The following ATN1 variants were observed in gnomAD, a reference collection of about 807,000 sequenced individuals.
ATN1 encodes atrophin-1.
ATN1 carries 19 observed loss-of-function variants against 85.8 expected under a neutral mutation model. That is an observed-to-expected ratio of 0.22 (90% CI 0.15 to 0.32). ATN1 has a LOEUF of 0.32. ATN1 is among the 10% of genes least tolerant of loss of function. The pLI is 1.00. For synonymous variants in ATN1, 674 were observed against 657.0 expected, an observed-to-expected ratio of 1.03 and a Z score of -0.39; for missense variants, 1,453 against 1,564.5, an observed-to-expected ratio of 0.93 and a Z score of 1.20.
upstream of ATN1, among the ~76,000 whole-genome samples, chr12:6,927,631 C>A (rs895631638): frequency 6.6e-6 from 1 of 150,742 alleles, no homozygotes. Flanking sequence ...ACTCGCGCTG[C>A]GCCTCCCCCT....
chr12:6,936,020 G>A lies in ATN1; in HGVS notation c.753G>A (p.Lys251=). 1.3e-6 allele frequency: 2 copies of A among 1,584,668 alleles called. No individual in the cohort carries two copies. Among genetic ancestry groups the A allele is most frequent in the Middle Eastern group, 1.7e-4 (1 of 5,874 alleles). ...CAGTGGGGGGCCCTAATGGGGGTAA[G>A]CAGCACCCCCCACCCACTACTCCCA... is the stretch of plus-strand genomic sequence containing the variant. ...ASSVGGPNGG[K]QHPPPTTPIS... is the part of the protein sequence containing the mutation. The change falls in exon 5 of 10, where the codon AAG becomes AAA. Residue 251 remains lysine, a synonymous_variant. Transcript: ENST00000396684.
chr12:6,936,805 G>C lies in ATN1; in HGVS notation c.1538G>C (p.Gly513Ala), dbSNP rs1315011118. 1.9e-6 allele frequency: 3 copies of C among 1,612,190 alleles called. No individual in the cohort carries two copies. Among genetic ancestry groups the C allele is most frequent in the African/African-American group, 1.3e-5 (1 of 74,592 alleles). The change falls in exon 5 of 10, where the codon GGA becomes GCA. Residue 513 changes from glycine to alanine, a missense_variant. Transcript: ENST00000396684. ...GGAAACTCTGGGCCCCCTCCTCCTG[G>C]AGCATTTCCCCACCCACTGGAGGGC... ...HHGNSGPPPP[G>A]AFPHPLEGGS... is the part of the protein sequence containing the mutation.
In ATN1 at chr12:6,941,175, AAG is replaced by A; in HGVS notation, c.3358+156_3358+157del. The stretch of plus-strand genomic sequence containing the variant: ...GAATAGGAGAGCTGGAGCTCTGCCC[AAG>A]AGAAGCACGAGTTTTAGTGTCAGCC... On this transcript the variant is annotated intron_variant, in intron 8 of 9. Transcript: ENST00000396684. This position sits in a 1 kb window ranked among gnomAD's most constrained non-coding sequence, Gnocchi z 5.9. 8.1e-7 allele frequency: 1 copy of A among 1,242,176 alleles called. No individual in the cohort carries two copies. The highest frequency in any genetic ancestry group is 1.5e-5 in the South Asian group (1 of 65,784). 76.9% of individuals were successfully genotyped at this position (1,242,176 alleles called of 1,614,324 possible).
In ATN1 at chr12:6,936,277, A is replaced by T; in HGVS notation, c.1010A>T (p.Gln337Leu). 6.2e-7 allele frequency: 1 copy of T among 1,612,902 alleles called. No homozygotes were observed. The highest frequency in any genetic ancestry group is 2.2e-5 in the East Asian group (1 of 44,848). Residue 337 changes from glutamine (Q) to leucine (L), a missense_variant, in exon 5 of 10, where the codon CAG becomes CTG. This residue lies in a region of ATN1 where 990 missense variants were observed against 914.8 expected (regional missense o/e 1.08). Transcript: ENST00000396684. ...CTGCCCTCTCCCCACGCCATGGGACAGGGTATGGGTGGACTTCCTCCTGGC... is the reference window on the plus strand; with the variant it reads ...CTGCCCTCTCCCCACGCCATGGGACTGGGTATGGGTGGACTTCCTCCTGGC... ...GHLPSPHAMG[Q>L]GMGGLPPGPE...
chr12:6,939,393 T>A (rs1317163902), intron 7 of ATN1, among the ~76,000 whole-genome samples: 1 of 152,214 alleles, frequency 6.6e-6, no homozygotes, highest in Non-Finnish European at 1.5e-5. Context: ...ACAGCCCAGT[T>A]CTCTCCATAG....
At position 6,934,019 on chromosome 12, in the gene ATN1, T is replaced by C. The variant is rs782117168; in HGVS notation, c.18T>C (p.Asn6=). Residue 6 remains asparagine (N), a synonymous_variant, in exon 2 of 10, where the codon AAT becomes AAC. Coordinates refer to ENST00000396684, the MANE Select transcript of ATN1 (RefSeq NM_001940.4). This position sits in a 1 kb window ranked among gnomAD's most constrained non-coding sequence, Gnocchi z 4.5. The part of the protein sequence containing the change: MKTRQ[N]KDSMSMRSGR... The stretch of plus-strand genomic sequence containing the variant: ...CCTGAAGAATGAAGACACGACAGAA[T>C]AAAGACTCGGTGAGTTAAAATGAGA... 2.5e-6 allele frequency: 4 copies of C among 1,607,700 alleles called. No homozygotes were observed. In the African/African-American group the frequency reaches 5.4e-5, roughly 22 times the overall value.
chr12:6,933,816 ACT>A (rs1555143255), intron 1 of ATN1, 22 bp from the exon 2 acceptor site: 2 of 660,196 alleles, frequency 3.0e-6, no homozygotes, highest in East Asian at 2.7e-5. Flanking sequence ...CAAGTTGGAG[ACT>A]CTGATGGTTT....
rs782590383 is a variant in ATN1 at position 6,941,598 on chromosome 12, C to T, written c.3539+44C>T. The stretch of plus-strand genomic sequence containing the variant: ...GCCCAGGGGACATGGGCTCAGCGAG[C>T]CTGGGAGGAGCTGTGGGCATGGTAC... On this transcript the variant is annotated intron_variant, in intron 9 of 9. Coordinates refer to ENST00000396684, the MANE Select transcript of ATN1 (RefSeq NM_001940.4). The surrounding 1 kb of genome is among the most constrained non-coding windows in gnomAD (Gnocchi z 5.9). 6.2e-7 allele frequency: 1 copy of T among 1,609,188 alleles called. No individual in the cohort carries two copies. The highest frequency in any genetic ancestry group is 2.2e-5 in the East Asian group (1 of 44,860).
chr12:6,933,829 C>T lies in ATN1; in HGVS notation c.-162-11C>T. 1.4e-6 allele frequency: 1 copy of T among 700,486 alleles called. No individual in the cohort carries two copies. The highest frequency in any genetic ancestry group is 2.4e-6 in the Non-Finnish European group (1 of 408,654). The allele number at this position is 700,486 out of a possible 1,614,324, so 43.4% of individuals were successfully genotyped here. A position where few individuals can be genotyped will look rare whatever the true frequency, so the allele number is the denominator to read the frequency against. ...TCCAAGTTGGAGACTCTGATGGTTT[C>T]CTTCTAACAGGTTTCATTGAAAACA... On this transcript the variant is annotated splice_polypyrimidine_tract_variant and intron_variant, in intron 1 of 9. Coordinates refer to ENST00000396684, the MANE Select transcript of ATN1 (RefSeq NM_001940.4).
In ATN1 at chr12:6,933,867, G is replaced by A. The variant is rs1385521386; in HGVS notation, c.-135G>A. 9.7e-6 allele frequency: 10 copies of A among 1,026,102 alleles called. No individual in the cohort carries two copies. Among genetic ancestry groups the A allele is most frequent in the African/African-American group, 1.6e-5 (1 of 61,270 alleles). The allele number at this position is 1,026,102 out of a possible 1,614,324, so 63.6% of individuals were successfully genotyped here. A position where few individuals can be genotyped will look rare whatever the true frequency, so the allele number is the denominator to read the frequency against. Reference sequence around the variant, plus strand: ...TTCATTGAAAACAGATCCTGCAAAAGTTCCAGGTGCCCACACTGGAAACTT... The same window carrying A: ...TTCATTGAAAACAGATCCTGCAAAAATTCCAGGTGCCCACACTGGAAACTT... On this transcript the variant is annotated 5_prime_UTR_variant, in exon 2 of 10. Transcript: ENST00000396684.
rs782080150 is a variant in ATN1 at position 6,935,014 on chromosome 12, A to C, written c.279+436A>C. Among the ~76,000 whole-genome samples the C allele has an allele frequency of 2.6e-5, 4 of 151,952 alleles. No individual in the cohort carries two copies. The highest frequency in any genetic ancestry group is 5.9e-5 in the Non-Finnish European group (4 of 67,998). Reference sequence around the variant, plus strand: ...CAAACAATTGTGCCTCAGCCTCCCGAGTGGCTGGGATTATAGGCATGAGCC... The same window carrying C: ...CAAACAATTGTGCCTCAGCCTCCCGCGTGGCTGGGATTATAGGCATGAGCC... On this transcript the variant is annotated intron_variant, in intron 4 of 9. Coordinates refer to ENST00000396684, the MANE Select transcript of ATN1 (RefSeq NM_001940.4). The surrounding 1 kb of genome is among the most constrained non-coding windows in gnomAD (Gnocchi z 5.3).
In ATN1 at chr12:6,938,006, G is replaced by A. The variant is rs1555144123; in HGVS notation, c.2456G>A (p.Arg819His). The part of the protein sequence containing the change: ...QRAREEKERE[R>H]EREREKERER... ...GCGCGCGAAGAAAAGGAGCGCGAGC[G>A]CGAGCGGGAACGCGAGAAAGAGCGC... Residue 819 changes from arginine to histidine, a missense_variant, in exon 6 of 10, where the codon CGC becomes CAC. This residue lies in a region of ATN1 where 990 missense variants were observed against 914.8 expected (regional missense o/e 1.08). Transcript: ENST00000396684. 1 of 1,542,008 alleles carries A rather than the reference G, an allele frequency of 6.5e-7. No individual in the cohort carries two copies. Among genetic ancestry groups the A allele is most frequent in the Non-Finnish European group, 8.8e-7 (1 of 1,141,952 alleles).
upstream of ATN1, among the ~76,000 whole-genome samples, chr12:6,927,633 C>CCTCCCCCTCTCCGG (rs781890362): frequency 4.6e-4 from 70 of 150,898 alleles, no homozygotes; most frequent in Non-Finnish European, 8.7e-4. Context: ...TCGCGCTGCG[C>CCTCCCCCTCTCCGG]CTCCCCCTCT....
At position 6,940,864 on chromosome 12, in the gene ATN1, C is replaced by T; in HGVS notation, c.3215-16C>T. On this transcript the variant is annotated splice_polypyrimidine_tract_variant and intron_variant, in intron 7 of 9. Coordinates refer to ENST00000396684, the MANE Select transcript of ATN1 (RefSeq NM_001940.4). Reference sequence around the variant, plus strand: ...ACCTGCCTTCTGGTGACACCTTCCTCTTCTCTGCCCTCCAGCCTCTGCCTC... The same window carrying T: ...ACCTGCCTTCTGGTGACACCTTCCTTTTCTCTGCCCTCCAGCCTCTGCCTC... The T allele has an allele frequency of 6.2e-7, 1 of 1,614,194 alleles. No homozygotes were observed. The highest frequency in any genetic ancestry group is 8.5e-7 in the Non-Finnish European group (1 of 1,180,024).
At position 6,936,599 on chromosome 12, in the gene ATN1, A is replaced by C. The variant is rs1162931528; in HGVS notation, c.1332A>C (p.Pro444=). The C allele has an allele frequency of 6.3e-7, 1 of 1,597,944 alleles. No individual in the cohort carries two copies. ...SQAVWSQGPP[P]PPPYGRLLAN... The stretch of plus-strand genomic sequence containing the variant: ...CTGTGTGGAGCCAGGGTCCCCCACC[A>C]CCTCCTCCCTATGGCCGCCTCTTAG... The change falls in exon 5 of 10, where the codon CCA becomes CCC. Residue 444 remains proline (P), a synonymous_variant. Coordinates refer to ENST00000396684, the MANE Select transcript of ATN1 (RefSeq NM_001940.4).
Position 6,938,657 on chromosome 12 carries a change from C to T in ATN1, c.2694C>T (p.Gly898=), listed in dbSNP as rs782407509. 3 of 1,614,220 alleles carry T rather than the reference C, an allele frequency of 1.9e-6. No homozygotes were observed. The highest frequency in any genetic ancestry group is 4.5e-5 in the East Asian group (2 of 44,886). ...EYARPHVMSP[G]NRNHPFYVPL... is the part of the protein sequence containing the mutation. Reference sequence around the variant, plus strand: ...CCCGGCCTCATGTCATGTCTCCTGGCAATCGCAACCATCCATTCTACGTGC... The same window carrying T: ...CCCGGCCTCATGTCATGTCTCCTGGTAATCGCAACCATCCATTCTACGTGC... The change falls in exon 7 of 10, where the codon GGC becomes GGT. Residue 898 remains glycine (G), a synonymous_variant. Coordinates refer to ENST00000396684, the MANE Select transcript of ATN1 (RefSeq NM_001940.4).
rs782786667 is a variant in ATN1 at position 6,937,812 on chromosome 12, C to A, written c.2295-33C>A. 1 of 1,522,230 alleles carries A rather than the reference C, an allele frequency of 6.6e-7. No individual in the cohort carries two copies. The highest frequency in any genetic ancestry group is 2.2e-5 in the Admixed American group (1 of 46,028). The allele number at this position is 1,522,230 out of a possible 1,614,324, so 94.3% of individuals were successfully genotyped here. A position where few individuals can be genotyped will look rare whatever the true frequency, so the allele number is the denominator to read the frequency against. On this transcript the variant is annotated intron_variant, in intron 5 of 9. Coordinates refer to ENST00000396684, the MANE Select transcript of ATN1 (RefSeq NM_001940.4). The surrounding 1 kb of genome is among the most constrained non-coding windows in gnomAD (Gnocchi z 6.0). Reference sequence around the variant, plus strand: ...GCGGGCTCCATCGGGCAGCTCGCACCGCCTGAGCGCCCGCTGCTTCCACGC... The same window carrying A: ...GCGGGCTCCATCGGGCAGCTCGCACAGCCTGAGCGCCCGCTGCTTCCACGC...
In ATN1 at chr12:6,933,952, T is replaced by A; in HGVS notation, c.-50T>A. The A allele has an allele frequency of 6.3e-7, 1 of 1,578,592 alleles. No individual in the cohort carries two copies. The highest frequency in any genetic ancestry group is 8.6e-7 in the Non-Finnish European group (1 of 1,161,380). Reference sequence around the variant, plus strand: ...ACTTGGGGTGGAGCAGAGAAGTTTCTGTATTCAGCTGCCCAGGCAGAGGAG... The same window carrying A: ...ACTTGGGGTGGAGCAGAGAAGTTTCAGTATTCAGCTGCCCAGGCAGAGGAG... On this transcript the variant is annotated 5_prime_UTR_variant, in exon 2 of 10. Coordinates refer to ENST00000396684, the MANE Select transcript of ATN1 (RefSeq NM_001940.4).
In ATN1 at chr12:6,935,214, G is replaced by A. The variant is rs1945516454; in HGVS notation, c.280-333G>A. On this transcript the variant is annotated intron_variant, in intron 4 of 9. Transcript: ENST00000396684. This position sits in a 1 kb window ranked among gnomAD's most constrained non-coding sequence, Gnocchi z 5.3. ...GAAGTGGTATAAAAACCAAGGGCTTGGGGGATGGAGGATGGTTAAAGTGGT... is the reference window on the plus strand; with the variant it reads ...GAAGTGGTATAAAAACCAAGGGCTTAGGGGATGGAGGATGGTTAAAGTGGT... Among the ~76,000 whole-genome samples the A allele has an allele frequency of 6.6e-6, 1 of 152,182 alleles. No individual in the cohort carries two copies. Among genetic ancestry groups the A allele is most frequent in the Non-Finnish European group, 1.5e-5 (1 of 68,034 alleles).
Sources: gnomAD v4.1 joint callset for allele counts (sites outside exome capture counted in the v4.1 genomes callset) on GRCh38, gnomAD v4.1.1 for gene constraint, gnomAD v4.1.1 regional missense constraint, Gnocchi (gnomAD v3.1) non-coding constraint, MANE v1.5 for transcripts, NCBI Gene and HGNC (gene_info 2026-07-23, HGNC 2026-07-21) for gene names.